GPRIN2: variants seen among roughly 807,000 people sequenced by gnomAD.
The protein encoded by GPRIN2 is G protein regulated inducer of neurite outgrowth 2, also known as G protein-regulated inducer of neurite outgrowth 2.
A neutral mutation model predicts 0.3 loss-of-function variants in GPRIN2; 1 was observed. The ratio of observed to expected loss-of-function variants is 3.90; its 90% CI spans 1.39 to 18.51. GPRIN2 has a LOEUF of 18.51. GPRIN2 is among the 30% of genes most tolerant of loss of function. The pLI is 0.11. For missense variants in GPRIN2, 880 were observed against 604.2 expected (o/e 1.46, Z -4.79); for synonymous variants, 361 against 258.6 (o/e 1.40, Z -3.80).
chr10:46,551,551 G>A (rs1842611684), intron 2 of GPRIN2: 10 of 969,866 alleles, frequency 1.0e-5, no homozygotes, highest in South Asian at 4.8e-5. Flanking sequence ...GGGAACATGG[G>A]ATTCATTCAG....
Position 46,550,742 on chromosome 10 carries a change from C to T in GPRIN2, c.-6G>A. On this transcript the variant is annotated splice_region_variant and 5_prime_UTR_variant, in exon 3 of 3. Coordinates refer to ENST00000374314, the MANE Select transcript of GPRIN2 (RefSeq NM_001385282.1). ...TCGGGGCGGCTGGAGCTCATGGCTG[C>T]CTGCAGAAGAGAGAAAGGGAGGGAG... is the stretch of plus-strand genomic sequence containing the variant. 4 of 1,500,834 alleles carry T rather than the reference C, an allele frequency of 2.7e-6. No individual in the cohort carries two copies. The East Asian group carries it at 9.3e-5, about 35-fold the overall frequency. 93.0% of individuals were successfully genotyped at this position (1,500,834 alleles called of 1,614,324 possible).
At chr10:46,552,805 C>T (rs1022238552) in intron 2 of GPRIN2, among the ~76,000 whole-genome samples, 1 of 152,308 alleles carries the variant, frequency 6.6e-6, no homozygotes, top group Admixed American at 6.5e-5. Context: ...GAACACAGCC[C>T]CGGCCTGGTA....
Position 46,548,129 on chromosome 10 carries a change from C to T in GPRIN2, c.*1231G>A, listed in dbSNP as rs1842335868. ...TCCCTCACACGGGTGGATTGGGGGG[C>T]TGTGTCACGGGATCTTAGGATCTTC... On this transcript the variant is annotated 3_prime_UTR_variant, in exon 3 of 3. Coordinates refer to ENST00000374314, the MANE Select transcript of GPRIN2 (RefSeq NM_001385282.1). 6.6e-6 allele frequency among the ~76,000 whole-genome samples: 1 copy of T among 152,310 alleles called. No individual in the cohort carries two copies. The highest frequency in any genetic ancestry group is 1.5e-5 in the Non-Finnish European group (1 of 68,058).
In GPRIN2 at chr10:46,547,981, G is replaced by A. The variant is rs994547244; in HGVS notation, c.*1379C>T. Among the ~76,000 whole-genome samples the A allele has an allele frequency of 2.8e-4, 43 of 152,254 alleles. No individual in the cohort carries two copies. Among genetic ancestry groups the A allele is most frequent in the African/African-American group, 9.4e-4 (39 of 41,434 alleles). The stretch of plus-strand genomic sequence containing the variant: ...GCATGAGTCATTTCCACCTCAATGA[G>A]TACCAGGTCCTTGAGGATGGGGAAA... On this transcript the variant is annotated 3_prime_UTR_variant, in exon 3 of 3. Transcript: ENST00000374314.
At position 46,548,570 on chromosome 10, in the gene GPRIN2, C is replaced by G. The variant is rs1468668158; in HGVS notation, c.*790G>C. Among the ~76,000 whole-genome samples the G allele has an allele frequency of 1.3e-5, 2 of 152,310 alleles. No individual in the cohort carries two copies. Among genetic ancestry groups the G allele is most frequent in the East Asian group, 3.8e-4 (2 of 5,208 alleles). ...AAGCCTGGCAGCCCTCCGTAATGGTCAGCATCCTCCCCTGCCATCCCCAAC... is the reference window on the plus strand; with the variant it reads ...AAGCCTGGCAGCCCTCCGTAATGGTGAGCATCCTCCCCTGCCATCCCCAAC... On this transcript the variant is annotated 3_prime_UTR_variant, in exon 3 of 3. Coordinates refer to ENST00000374314, the MANE Select transcript of GPRIN2 (RefSeq NM_001385282.1).
intron 1 of GPRIN2, among the ~76,000 whole-genome samples, chr10:46,555,860 A>C (rs1843146153): frequency 6.6e-6 from 1 of 152,312 alleles, no homozygotes; most frequent in Non-Finnish European, 1.5e-5. Context: ...ACAGGCCCGT[A>C]TGCAGTAACA....
Position 46,545,194 on chromosome 10 carries a change from C to G in GPRIN2, c.*4166G>C, listed in dbSNP as rs1156630123. Among the ~76,000 whole-genome samples the G allele has an allele frequency of 6.6e-6, 1 of 152,310 alleles. No homozygotes were observed. The highest frequency in any genetic ancestry group is 2.4e-5 in the African/African-American group (1 of 41,488). The stretch of plus-strand genomic sequence containing the variant: ...ATGCAAATGTCAATGGGTGCACCCC[C>G]AGATGCCTGTGACTCCCTCTGGTGG... On this transcript the variant is annotated 3_prime_UTR_variant, in exon 3 of 3. Transcript: ENST00000374314.
intron 2 of GPRIN2, among the ~76,000 whole-genome samples, chr10:46,551,244 C>T (rs1842568065): frequency 6.6e-6 from 1 of 152,308 alleles, no homozygotes; most frequent in Admixed American, 6.5e-5. Flanking sequence ...GTATCCAACT[C>T]ACTGTGGACA....
At chr10:46,554,102 G>A (rs1842907765) in intron 2 of GPRIN2, among the ~76,000 whole-genome samples, 1 of 152,310 alleles carries the variant, frequency 6.6e-6, no homozygotes, top group African/African-American at 2.4e-5. Context: ...CTGCAGGGTT[G>A]TTGTGAAGAC....
chr10:46,549,816 G>A lies in GPRIN2; in HGVS notation c.921C>T (p.Gly307=), dbSNP rs145134045. ...WGPAGLVPEP[G]SRTKDVWTMT... ...TGGTCCACACATCTTTGGTCCTAGA[G>A]CCAGGCTCTGGGACTAACCCAGCGG... The change falls in exon 3 of 3, where the codon GGC becomes GGT. Residue 307 remains glycine (G), a synonymous_variant. Transcript: ENST00000374314. 2.6e-4 allele frequency: 419 copies of A among 1,613,972 alleles called. No homozygotes were observed. The African/African-American group carries it at 4.9e-3, about 19-fold the overall frequency.
At chr10:46,551,436 A>AG in intron 2 of GPRIN2, 1 of 985,538 alleles carries the variant, frequency 1.0e-6, no homozygotes, top group Admixed American at 6.1e-5. Context: ...AGGGGCAAGG[A>AG]GAGGCCCCAT....
rs1841847475 is a variant in GPRIN2, at chr10:46,542,654, A to G, written c.*6706T>C. On this transcript the variant is annotated 3_prime_UTR_variant, in exon 3 of 3. Coordinates refer to ENST00000374314, the MANE Select transcript of GPRIN2 (RefSeq NM_001385282.1). ...TTTCCTTTATAAATTACCCAGTCTC[A>G]GGCAGTTCTTTATAGCAGCATGAAA... Among the ~76,000 whole-genome samples, 2 of 152,308 alleles carry G rather than the reference A, an allele frequency of 1.3e-5. No homozygotes were observed. The highest frequency in any genetic ancestry group is 2.9e-5 in the Non-Finnish European group (2 of 68,056).
chr10:46,553,023 C>CA, intron 2 of GPRIN2, among the ~76,000 whole-genome samples: 1 of 152,430 alleles, frequency 6.6e-6, no homozygotes, highest in African/African-American at 2.4e-5. Context: ...CGCCAAGGGC[C>CA]AGACACGTGC....
chr10:46,552,579 C>T (rs1588972378), intron 2 of GPRIN2, among the ~76,000 whole-genome samples: 2 of 152,426 alleles, frequency 1.3e-5, no homozygotes, highest in East Asian at 1.9e-4. Context: ...GAGGATGATA[C>T]TGGTGCTGTA....
At position 46,543,077 on chromosome 10, in the gene GPRIN2, A is replaced by G. The variant is rs868994905; in HGVS notation, c.*6283T>C. Among the ~76,000 whole-genome samples, 1 of 152,310 alleles carries G rather than the reference A, an allele frequency of 6.6e-6. No individual in the cohort carries two copies. Among genetic ancestry groups the G allele is most frequent in the South Asian group, 2.1e-4 (1 of 4,838 alleles). ...TGGGCAAAAGCAATGGAAACTTGGC[A>G]CAGCAACCCCAGGGAGACCTCCCTC... On this transcript the variant is annotated 3_prime_UTR_variant, in exon 3 of 3. Transcript: ENST00000374314.
chr10:46,550,203 A>G lies in GPRIN2; in HGVS notation c.534T>C (p.Pro178=). ...APAGLERDLA[P]EDETSNSAWM... ...AGGCTGAGTTAGAAGTCTCATCCTC[A>G]GGAGCCAGGTCCCTTTCCAGGCCTG... The change falls in exon 3 of 3, where the codon CCT becomes CCC. Residue 178 remains proline, a synonymous_variant. Coordinates refer to ENST00000374314, the MANE Select transcript of GPRIN2 (RefSeq NM_001385282.1). 1 of 1,600,874 alleles carries G rather than the reference A, an allele frequency of 6.2e-7. No individual in the cohort carries two copies. The highest frequency in any genetic ancestry group is 2.2e-5 in the East Asian group (1 of 44,634).
At position 46,543,819 on chromosome 10, in the gene GPRIN2, G is replaced by A. The variant is rs1833019856; in HGVS notation, c.*5541C>T. Reference sequence around the variant, plus strand: ...CTCCTTGCTGGGCTATCTCGGGCTTGGAGTGGGAGAAGCCAGGCAGGAGTC... The same window carrying A: ...CTCCTTGCTGGGCTATCTCGGGCTTAGAGTGGGAGAAGCCAGGCAGGAGTC... On this transcript the variant is annotated 3_prime_UTR_variant, in exon 3 of 3. Coordinates refer to ENST00000374314, the MANE Select transcript of GPRIN2 (RefSeq NM_001385282.1). Among the ~76,000 whole-genome samples the A allele has an allele frequency of 6.9e-3, 1,047 of 151,442 alleles. No homozygotes were observed. The highest frequency in any genetic ancestry group is 0.011 in the Non-Finnish European group (722 of 67,396).
At position 46,546,430 on chromosome 10, in the gene GPRIN2, A is replaced by G. The variant is rs1842167004; in HGVS notation, c.*2930T>C. On this transcript the variant is annotated 3_prime_UTR_variant, in exon 3 of 3. Transcript: ENST00000374314. ...AACAGAATTTACCAGGACAAAATAA[A>G]CAAGACCAGTCAGGACCGATGCCCC... 1.3e-5 allele frequency among the ~76,000 whole-genome samples: 2 copies of G among 152,312 alleles called. No homozygotes were observed. The highest frequency in any genetic ancestry group is 4.8e-5 in the African/African-American group (2 of 41,488).
chr10:46,542,357 T>C lies in GPRIN2; in HGVS notation c.*7003A>G, dbSNP rs1841826548. ...TCATCTTGAATTGTAATCCCTATAA[T>C]CCCCATGTGACAAGGGAGAGATCAG... On this transcript the variant is annotated 3_prime_UTR_variant, in exon 3 of 3. Transcript: ENST00000374314. 6.6e-6 allele frequency among the ~76,000 whole-genome samples: 1 copy of C among 152,306 alleles called. No homozygotes were observed. The highest frequency in any genetic ancestry group is 2.1e-4 in the South Asian group (1 of 4,838).
Sources: allele counts gnomAD v4.1 joint callset (sites outside exome capture counted in the v4.1 genomes callset), GRCh38; gene constraint gnomAD v4.1.1; transcripts MANE v1.5; gene names NCBI Gene and HGNC (gene_info 2026-07-23, HGNC 2026-07-21).